The following DLGAP2 variants were observed in gnomAD, a reference collection of about 807,000 sequenced individuals.
The protein encoded by DLGAP2 is DLG associated protein 2.
Under a neutral mutation model 100.3 loss-of-function variants are expected in DLGAP2, and 26 were observed. The ratio of observed to expected loss-of-function variants is 0.26; its 90% CI spans 0.19 to 0.36. The LOEUF (loss-of-function observed/expected upper bound fraction) is 0.36. DLGAP2 is among the 10% of genes least tolerant of loss of function. The pLI is 1.00. For missense variants in DLGAP2, 1,858 were observed against 1,453.2 expected (o/e 1.28, Z -4.53); for synonymous variants, 886 against 630.1 (o/e 1.41, Z -6.08).
intron 1 of DLGAP2, among the ~76,000 whole-genome samples, chr8:894,309 C>A (rs551630324): frequency 1.3e-5 from 2 of 152,156 alleles, no homozygotes; most frequent in Non-Finnish European, 2.9e-5. Flanking sequence ...GTTACAGAGA[C>A]TGGTGTGACA....
Position 1,610,361 on chromosome 8 carries a change from C to G in DLGAP2, c.1443-16379C>G, listed in dbSNP as rs944874760. ...CCAACGAGAACAAAGACACAACAAA[C>G]CAGAATCTCTGGGACGCATTCAAAG... On this transcript the variant is annotated intron_variant, in intron 6 of 14. Coordinates refer to ENST00000637795, the MANE Select transcript of DLGAP2 (RefSeq NM_001346810.2). 3.4e-3 allele frequency among the ~76,000 whole-genome samples: 515 copies of G among 151,682 alleles called. 1 individual carries two copies. The highest frequency in any genetic ancestry group is 0.012 in the African/African-American group (501 of 41,346).
At chr8:1,060,953 G>A (rs575136887) in intron 2 of DLGAP2, among the ~76,000 whole-genome samples, 34 of 152,328 alleles carry the variant, frequency 2.2e-4, no homozygotes, top group South Asian at 8.3e-4. Flanking sequence ...AGCCTTCAAT[G>A]TGTTGATATT....
chr8:1,528,403 A>G (rs992348919), intron 4 of DLGAP2, among the ~76,000 whole-genome samples: 1 of 152,242 alleles, frequency 6.6e-6, no homozygotes, highest in African/African-American at 2.4e-5. Context: ...AAAGTAAAGC[A>G]AAACAGAAGA....
At chr8:1,354,370 G>T (rs368168605) in intron 3 of DLGAP2, among the ~76,000 whole-genome samples, 12 of 152,094 alleles carry the variant, frequency 7.9e-5, no homozygotes, top group African/African-American at 2.7e-4. Flanking sequence ...CAAAGTATCT[G>T]GGTGTGGTGG....
Position 1,062,057 on chromosome 8 carries a change from CAG to C in DLGAP2, c.73+154092_73+154093del. ...TAGACATTTATCTGAAAAAAAAAAACAGGAGATAGAGGCACCTGCTTTCTGTA... is the reference window on the plus strand; with the variant it reads ...TAGACATTTATCTGAAAAAAAAAAACGAGATAGAGGCACCTGCTTTCTGTA... On this transcript the variant is annotated intron_variant, in intron 2 of 14. Transcript: ENST00000637795. Among the ~76,000 whole-genome samples, 5 of 143,680 alleles carry C rather than the reference CAG, an allele frequency of 3.5e-5. 1 individual carries two copies. The South Asian group carries it at 1.1e-3, about 32-fold the overall frequency. 94.3% of individuals were successfully genotyped at this position (143,680 alleles called of 152,430 possible). A position where few individuals can be genotyped will look rare whatever the true frequency, so the allele number is the denominator to read the frequency against.
chr8:1,214,804 G>A (rs1259393800), intron 2 of DLGAP2, among the ~76,000 whole-genome samples: 1 of 152,200 alleles, frequency 6.6e-6, no homozygotes, highest in Non-Finnish European at 1.5e-5. Context: ...TTTCTAATTA[G>A]CCTTGACTTC....
At chr8:1,172,876 C>A (rs539629621) in intron 2 of DLGAP2, among the ~76,000 whole-genome samples, 3 of 152,352 alleles carry the variant, frequency 2.0e-5, no homozygotes, top group African/African-American at 7.2e-5. Flanking sequence ...CTTCTTCTCT[C>A]ATCTCGTCAA....
At chr8:953,307 C>T (rs1341956434) in intron 2 of DLGAP2, among the ~76,000 whole-genome samples, 1 of 152,094 alleles carries the variant, frequency 6.6e-6, no homozygotes, top group African/African-American at 2.4e-5. Flanking sequence ...CAATTCTCTG[C>T]CTCAGCCTCC....
chr8:952,858 G>A (rs1031805030), intron 2 of DLGAP2, among the ~76,000 whole-genome samples: 1 of 152,098 alleles, frequency 6.6e-6, no homozygotes, highest in Non-Finnish European at 1.5e-5. Flanking sequence ...TTTGGTTCAG[G>A]TATATGAAGA....
At chr8:1,488,545 C>T (rs1799288902) in intron 3 of DLGAP2, among the ~76,000 whole-genome samples, 1 of 152,196 alleles carries the variant, frequency 6.6e-6, no homozygotes, top group African/African-American at 2.4e-5. Context: ...AGCAGCTCCA[C>T]AGGTAGCCCG....
chr8:1,386,551 G>A (rs1443974030), intron 3 of DLGAP2, among the ~76,000 whole-genome samples: 1 of 152,218 alleles, frequency 6.6e-6, no homozygotes, highest in African/African-American at 2.4e-5. Flanking sequence ...CCACCGGCCA[G>A]ATGTGAGAGT....
intron 2 of DLGAP2, among the ~76,000 whole-genome samples, chr8:1,249,534 T>C (rs1261799105): frequency 6.6e-6 from 1 of 152,200 alleles, no homozygotes; most frequent in Non-Finnish European, 1.5e-5. Context: ...ATTTTGCAAA[T>C]TGTTAAAAAC....
At chr8:1,017,803 C>T (rs1488471331) in intron 2 of DLGAP2, among the ~76,000 whole-genome samples, 1 of 152,242 alleles carries the variant, frequency 6.6e-6, no homozygotes. Context: ...CCTCACTCCT[C>T]TCCACGCTAC....
chr8:935,766 T>C (rs553100641), intron 2 of DLGAP2, among the ~76,000 whole-genome samples: 142 of 152,304 alleles, frequency 9.3e-4, no homozygotes, highest in African/African-American at 3.1e-3. Context: ...CCTCAAAGCA[T>C]AGTGGTTCCT....
At chr8:989,328 C>T (rs760308275) in intron 2 of DLGAP2, among the ~76,000 whole-genome samples, 3 of 152,186 alleles carry the variant, frequency 2.0e-5, no homozygotes, top group African/African-American at 7.2e-5. Context: ...TCTCCCAGGG[C>T]CTGAGGGAGG....
intron 2 of DLGAP2, among the ~76,000 whole-genome samples, chr8:1,075,916 A>G (rs998986073): frequency 2.0e-5 from 3 of 150,378 alleles, no homozygotes; most frequent in Admixed American, 6.6e-5. Context: ...AAATAAAAAC[A>G]AAAAAAAAGA....
In DLGAP2 at chr8:858,872, T is replaced by C. The variant is rs181378796; in HGVS notation, c.19-49040T>C. On this transcript the variant is annotated intron_variant, in intron 1 of 14. Coordinates refer to ENST00000637795, the MANE Select transcript of DLGAP2 (RefSeq NM_001346810.2). ...GACAACACCAAGAGTAGCCCTCGTG[T>C]AATCAGTGGACTTAATAATTATCAA... Among the ~76,000 whole-genome samples, 54 of 152,318 alleles carry C rather than the reference T, an allele frequency of 3.5e-4. 1 individual carries two copies. Among genetic ancestry groups the C allele is most frequent in the Admixed American group, 2.6e-4 (4 of 15,298 alleles).
At chr8:1,287,471 CGTGTGTGTGT>C (rs764935176) in intron 3 of DLGAP2, among the ~76,000 whole-genome samples, 4 of 23,340 alleles carry the variant, frequency 1.7e-4, no homozygotes, top group East Asian at 1.3e-3. Flanking sequence ...TTCGGTTCAG[CGTGTGTGTGT>C]GTGTGTGTGT....
chr8:1,081,462 C>T (rs1803808829), intron 2 of DLGAP2, among the ~76,000 whole-genome samples: 1 of 152,192 alleles, frequency 6.6e-6, no homozygotes, highest in African/African-American at 2.4e-5. Flanking sequence ...AGCGATTCTC[C>T]TGCCTCAGCC....
Sources: gnomAD v4.1 joint callset for allele counts (sites outside exome capture counted in the v4.1 genomes callset) on GRCh38, gnomAD v4.1.1 for gene constraint, MANE v1.5 for transcripts, NCBI Gene and HGNC (gene_info 2026-07-23, HGNC 2026-07-21) for gene names.